The following MACROD2 variants were observed in gnomAD, a reference collection of about 807,000 sequenced individuals.
MACROD2 encodes the protein ADP-ribose glycohydrolase MACROD2.
A neutral mutation model predicts 70.4 loss-of-function variants in MACROD2; 36 were observed. The ratio of observed to expected loss-of-function variants is 0.51; its 90% CI spans 0.39 to 0.68. The LOEUF (loss-of-function observed/expected upper bound fraction) is 0.68, where lower values mean the gene tolerates loss of function less well. MACROD2 is among the 30% of genes least tolerant of loss of function. The pLI is 0.00. For synonymous variants in MACROD2, 172 were observed against 178.8 expected, an observed-to-expected ratio of 0.96 and a Z score of 0.30; for missense variants, 496 against 538.4, an observed-to-expected ratio of 0.92 and a Z score of 0.78.
At chr20:15,649,080 T>C (rs1236754) in intron 8 of MACROD2, among the ~76,000 whole-genome samples, 791 of 60,586 alleles carry the variant, frequency 0.013, 13 homozygotes, top group East Asian at 0.053. Context: ...CCCCTCCCCT[T>C]CCCTCCCCTT....
At chr20:14,626,420 C>T (rs1984166789) in intron 4 of MACROD2, among the ~76,000 whole-genome samples, 1 of 152,050 alleles carries the variant, frequency 6.6e-6, no homozygotes, top group Admixed American at 6.6e-5. Flanking sequence ...GCTGTATTCC[C>T]AGTACTACAA....
At chr20:15,157,619 A>G (rs775486092) in intron 5 of MACROD2, among the ~76,000 whole-genome samples, 9 of 152,188 alleles carry the variant, frequency 5.9e-5, no homozygotes, top group Middle Eastern at 6.8e-3. Flanking sequence ...GACTAATAGC[A>G]TTTAAGTTAG....
intron 5 of MACROD2, among the ~76,000 whole-genome samples, chr20:14,838,179 A>G (rs1223696121): frequency 6.6e-6 from 1 of 152,064 alleles, no homozygotes; most frequent in African/African-American, 2.4e-5. Flanking sequence ...CATTTTGCCC[A>G]TCTCTTTTGT....
At chr20:15,891,902 T>TG (rs1381201576) in intron 10 of MACROD2, among the ~76,000 whole-genome samples, 1 of 152,088 alleles carries the variant, frequency 6.6e-6, no homozygotes, top group Non-Finnish European at 1.5e-5. Context: ...CTGTGAAGTG[T>TG]GGGGCATAGT....
chr20:15,041,710 C>T (rs1231902919), intron 5 of MACROD2, among the ~76,000 whole-genome samples: 1 of 152,142 alleles, frequency 6.6e-6, no homozygotes, highest in Non-Finnish European at 1.5e-5. Context: ...TCCCAAAGTG[C>T]TGGGATTACA....
At chr20:14,276,178 G>A (rs569271100) in intron 3 of MACROD2, among the ~76,000 whole-genome samples, 40 of 152,156 alleles carry the variant, frequency 2.6e-4, no homozygotes, top group African/African-American at 9.2e-4. Flanking sequence ...ACATGCACGC[G>A]TATGTTTATT....
At chr20:14,676,982 G>A (rs781089739) in intron 4 of MACROD2, among the ~76,000 whole-genome samples, 3 of 152,048 alleles carry the variant, frequency 2.0e-5, no homozygotes, top group Non-Finnish European at 4.4e-5. Flanking sequence ...TTCAAAATCT[G>A]TATTTAGAAC....
chr20:14,523,280 A>G (rs1376710537), intron 4 of MACROD2: 1 of 152,144 alleles, frequency 6.6e-6, no homozygotes, highest in Non-Finnish European at 1.5e-5. Flanking sequence ...GCCCTGGTGT[A>G]CTGCTGTGTT....
intron 6 of MACROD2, among the ~76,000 whole-genome samples, chr20:15,414,461 G>A (rs556188022): frequency 2.0e-5 from 3 of 152,172 alleles, no homozygotes; most frequent in South Asian, 2.1e-4. Context: ...AGCTGTAGAC[G>A]TGTCATGGAC....
intron 5 of MACROD2, among the ~76,000 whole-genome samples, chr20:15,080,691 T>C (rs2075696692): frequency 6.6e-6 from 1 of 152,114 alleles, no homozygotes; most frequent in Non-Finnish European, 1.5e-5. Context: ...TTCATGCACT[T>C]GTCTGTTTAG....
At chr20:14,047,291 C>A (rs56100526) in intron 2 of MACROD2, among the ~76,000 whole-genome samples, 78 of 151,778 alleles carry the variant, frequency 5.1e-4, no homozygotes, top group African/African-American at 1.8e-3. Context: ...CTAAAAAAAC[C>A]CAAATATACA....
chr20:15,156,800 C>T (rs1401548166), intron 5 of MACROD2, among the ~76,000 whole-genome samples: 3 of 152,194 alleles, frequency 2.0e-5, no homozygotes, highest in Admixed American at 1.3e-4. Context: ...AGCAGACCCT[C>T]AGAAAACCTG....
At chr20:14,606,639 T>A (rs748081344) in intron 4 of MACROD2, among the ~76,000 whole-genome samples, 1 of 152,192 alleles carries the variant, frequency 6.6e-6, no homozygotes, top group Non-Finnish European at 1.5e-5. Flanking sequence ...ATGGGCCTAC[T>A]GTTTTCAATA....
At chr20:15,619,225 T>C (rs190693728) in intron 8 of MACROD2, among the ~76,000 whole-genome samples, 17 of 152,304 alleles carry the variant, frequency 1.1e-4, no homozygotes, top group Admixed American at 1.1e-3. Context: ...GGCATTCCAG[T>C]CCCTAAGCAA....
Position 15,186,232 on chromosome 20 carries a change from T to C in MACROD2, c.419-43708T>C, listed in dbSNP as rs181618027. ...TGGCTCTCTATCTAGATTTGAAAGT[T>C]ATTTGTTCCACTTGTTCTTTCTCTC... On this transcript the variant is annotated intron_variant, in intron 5 of 17. Transcript: ENST00000684519. Among the ~76,000 whole-genome samples, 238 of 152,260 alleles carry C rather than the reference T, an allele frequency of 1.6e-3. 1 individual carries two copies. Among genetic ancestry groups the C allele is most frequent in the African/African-American group, 5.5e-3 (230 of 41,552 alleles).
chr20:14,553,611 A>G (rs1406177302), intron 4 of MACROD2, among the ~76,000 whole-genome samples: 1 of 152,110 alleles, frequency 6.6e-6, no homozygotes, highest in African/African-American at 2.4e-5. Context: ...CTATGATGTC[A>G]TGATGGCTAT....
chr20:15,557,272 G>C (rs2048180748), intron 8 of MACROD2, among the ~76,000 whole-genome samples: 1 of 151,908 alleles, frequency 6.6e-6, no homozygotes, highest in South Asian at 2.1e-4. Flanking sequence ...ATTTAGCCCA[G>C]GCTATAAAAT....
intron 8 of MACROD2, among the ~76,000 whole-genome samples, chr20:15,673,864 G>A (rs1000598027): frequency 2.0e-5 from 3 of 151,742 alleles, no homozygotes; most frequent in Middle Eastern, 3.4e-3. Context: ...AATGTTCCAC[G>A]TCTGCCCTGT....
intron 4 of MACROD2, among the ~76,000 whole-genome samples, chr20:14,677,123 T>C (rs2070871378): frequency 6.6e-6 from 1 of 152,172 alleles, no homozygotes; most frequent in Non-Finnish European, 1.5e-5. Context: ...GTTCATTTGC[T>C]TATAAAATGA....
Sources: allele counts gnomAD v4.1 joint callset (sites outside exome capture counted in the v4.1 genomes callset), GRCh38; gene constraint gnomAD v4.1.1; transcripts MANE v1.5; gene names NCBI Gene and HGNC (gene_info 2026-07-23, HGNC 2026-07-21).